Variants in CMIP observed in about 807,000 individuals in gnomAD.
CMIP encodes c-Maf inducing protein, also known as C-Maf-inducing protein.
In CMIP, 13 loss-of-function variants were observed where a neutral mutation model predicts 97.3. The observed-to-expected ratio is 0.13, with a 90% CI of 0.09 to 0.21. The LOEUF (loss-of-function observed/expected upper bound fraction) is 0.21. Ranked by LOEUF, CMIP falls within the 10% of genes least tolerant of loss-of-function variation. The pLI is 1.00. For missense variants in CMIP, 847 were observed against 1,024.9 expected, an observed-to-expected ratio of 0.83 and a Z score of 2.37; for synonymous variants, 538 against 436.3, an observed-to-expected ratio of 1.23 and a Z score of -2.91.
At chr16:81,477,482 C>G (rs1380127258) in intron 1 of CMIP, among the ~76,000 whole-genome samples, 1 of 152,174 alleles carries the variant, frequency 6.6e-6, no homozygotes, top group African/African-American at 2.4e-5. Context: ...GGGGTAGATA[C>G]AGGGCAGGGT....
At chr16:81,660,987 A>G (rs777008783) in intron 6 of CMIP, 41 bp downstream of exon 6, 14 of 1,612,448 alleles carry the variant, frequency 8.7e-6, no homozygotes, top group Non-Finnish European at 1.1e-5. Flanking sequence ...GCAGGAAGTA[A>G]CCTCCCTCTG....
chr16:81,587,532 G>A (rs1321270640), intron 1 of CMIP, among the ~76,000 whole-genome samples: 4 of 152,116 alleles, frequency 2.6e-5, no homozygotes, highest in East Asian at 1.9e-4. Context: ...TCCCCATCAC[G>A]GTAAAGCTTT....
At position 81,614,441 on chromosome 16, in the gene CMIP, C is replaced by T. The variant is rs545738376; in HGVS notation, c.427-6435C>T. On this transcript the variant is annotated intron_variant, in intron 2 of 20. Coordinates refer to ENST00000537098, the MANE Select transcript of CMIP (RefSeq NM_198390.3). The surrounding 1 kb of genome is among the most constrained non-coding windows in gnomAD (Gnocchi z 5.3). ...GCATGACATCAGCTCGTTGCATTGG[C>T]CTGTGTGCTTGCCAGGAGCCCGGAG... is the stretch of plus-strand genomic sequence containing the variant. Among the ~76,000 whole-genome samples the T allele has an allele frequency of 6.6e-6, 1 of 152,156 alleles. No homozygotes were observed. The highest frequency in any genetic ancestry group is 2.4e-5 in the African/African-American group (1 of 41,408).
At chr16:81,649,626 G>A in intron 3 of CMIP, among the ~76,000 whole-genome samples, 1 of 152,224 alleles carries the variant, frequency 6.6e-6, no homozygotes, top group East Asian at 1.9e-4. Context: ...GTGCTTTTCA[G>A]TACAGTTTAG....
At chr16:81,666,725 G>T (rs539073504) in intron 7 of CMIP, 1 of 152,196 alleles carries the variant, frequency 6.6e-6, no homozygotes, top group Non-Finnish European at 1.5e-5. Context: ...CACCATGAGC[G>T]GCGGCGGCAG....
At chr16:81,529,315 T>C (rs1380857263) in intron 1 of CMIP, among the ~76,000 whole-genome samples, 3 of 152,072 alleles carry the variant, frequency 2.0e-5, no homozygotes, top group Non-Finnish European at 4.4e-5. Flanking sequence ...AGATGGTACA[T>C]GATACAGAGG....
chr16:81,670,466 G>A (rs2092671925), intron 8 of CMIP, among the ~76,000 whole-genome samples: 2 of 152,254 alleles, frequency 1.3e-5, no homozygotes, highest in South Asian at 2.1e-4. Context: ...GGCTGTAGGT[G>A]CCACATGTTT....
chr16:81,479,640 G>C (rs1007719111), intron 1 of CMIP, among the ~76,000 whole-genome samples: 2 of 151,886 alleles, frequency 1.3e-5, no homozygotes, highest in Admixed American at 6.6e-5. Context: ...TTATTATTTT[G>C]CTTTTTTTGT....
chr16:81,445,901 G>GC (rs35358679), intron 1 of CMIP, among the ~76,000 whole-genome samples: 1 of 150,686 alleles, frequency 6.6e-6, no homozygotes, highest in Admixed American at 6.6e-5. Context: ...CTCTCTGGAA[G>GC]CCCCTGGCCC....
At chr16:81,520,921 G>T (rs1001551123) in intron 1 of CMIP, among the ~76,000 whole-genome samples, 1 of 152,188 alleles carries the variant, frequency 6.6e-6, no homozygotes, top group African/African-American at 2.4e-5. Flanking sequence ...TGTCGTGAGT[G>T]TGTGGCTAAA....
rs79862097 is a variant in CMIP, at chr16:81,487,432, A to T, written c.300+41891A>T. 6.7e-3 allele frequency among the ~76,000 whole-genome samples: 1,023 copies of T among 152,236 alleles called. 10 individuals are homozygous for T. The highest frequency in any genetic ancestry group is 0.023 in the African/African-American group (970 of 41,542). ...CCCAGACCAAACCACACAGCCCTTG[A>T]GGGTGAATCACTTTGAAGTGAGGGG... On this transcript the variant is annotated intron_variant, in intron 1 of 20. Transcript: ENST00000537098.
At chr16:81,632,999 G>C (rs1273136528) in intron 3 of CMIP, among the ~76,000 whole-genome samples, 1 of 152,222 alleles carries the variant, frequency 6.6e-6, no homozygotes, top group East Asian at 1.9e-4. Context: ...GCAAGGAAGG[G>C]GGGACCCGAG....
chr16:81,642,680 G>A (rs189345856), intron 3 of CMIP, among the ~76,000 whole-genome samples: 6 of 152,250 alleles, frequency 3.9e-5, no homozygotes, highest in Admixed American at 3.9e-4. Context: ...TGGCTCTCCT[G>A]AGGTCAGGAG....
intron 1 of CMIP, among the ~76,000 whole-genome samples, chr16:81,538,137 A>C (rs1297142531): frequency 6.6e-6 from 1 of 152,146 alleles, no homozygotes; most frequent in Non-Finnish European, 1.5e-5. Context: ...TAGATGGGGG[A>C]ACTGAGGCTC....
intron 20 of CMIP, 39 bp from the exon 21 acceptor site, chr16:81,709,707 T>C (rs1302110912): frequency 2.5e-6 from 4 of 1,611,858 alleles, no homozygotes; most frequent in Non-Finnish European, 3.4e-6. Flanking sequence ...TGCAAGGGAA[T>C]GGCCTACACG....
At position 81,659,048 on chromosome 16, in the gene CMIP, C is replaced by A. The variant is rs377353259; in HGVS notation, c.681+1232C>A. ...TGGGCTCTCAGTGGGTGTTTGCTAA[C>A]GCTAACAGTATAGAGGTTTTCTCCA... is the stretch of plus-strand genomic sequence containing the variant. On this transcript the variant is annotated intron_variant, in intron 5 of 20. Coordinates refer to ENST00000537098, the MANE Select transcript of CMIP (RefSeq NM_198390.3). Among the ~76,000 whole-genome samples, 86 of 152,354 alleles carry A rather than the reference C, an allele frequency of 5.6e-4. 1 individual carries two copies. In the South Asian group the frequency reaches 0.015, roughly 26 times the overall value.
intron 10 of CMIP, among the ~76,000 whole-genome samples, chr16:81,683,366 C>T (rs1205164034): frequency 2.0e-5 from 3 of 152,140 alleles, no homozygotes; most frequent in East Asian, 1.9e-4. Flanking sequence ...GCCCCTCCCT[C>T]GGGGAACTTC....
rs1375243597 is a variant in CMIP at position 81,445,596 on chromosome 16, C to T, written c.300+55C>T. 2.7e-6 allele frequency: 4 copies of T among 1,505,370 alleles called. No homozygotes were observed. The East Asian group carries it at 7.4e-5, about 28-fold the overall frequency. 93.3% of individuals were successfully genotyped at this position (1,505,370 alleles called of 1,614,324 possible). A position where few individuals can be genotyped will look rare whatever the true frequency, so the allele number is the denominator to read the frequency against. ...CCTCTCCTCGGGGCCCGAGATGCGC[C>T]CTCCCTGGCTGCCCCCTGGCGCTGC... is the stretch of plus-strand genomic sequence containing the variant. On this transcript the variant is annotated intron_variant, in intron 1 of 20. Coordinates refer to ENST00000537098, the MANE Select transcript of CMIP (RefSeq NM_198390.3).
chr16:81,484,035 C>A (rs1038953788), intron 1 of CMIP, among the ~76,000 whole-genome samples: 5 of 152,190 alleles, frequency 3.3e-5, no homozygotes, highest in Non-Finnish European at 7.3e-5. Context: ...ATTTGTTAAA[C>A]ACCTACTGTG....
Sources: allele counts gnomAD v4.1 joint callset (sites outside exome capture counted in the v4.1 genomes callset), GRCh38; gene constraint gnomAD v4.1.1; non-coding constraint Gnocchi (gnomAD v3.1); transcripts MANE v1.5; gene names NCBI Gene and HGNC (gene_info 2026-07-23, HGNC 2026-07-21).